Variants in CCDC73 observed in about 807,000 individuals in gnomAD.
The protein encoded by CCDC73 is coiled-coil domain-containing protein 73.
In CCDC73, 95 loss-of-function variants were observed where a neutral mutation model predicts 116.5. The ratio of observed to expected loss-of-function variants is 0.82; its 90% CI spans 0.69 to 0.97. The LOEUF (loss-of-function observed/expected upper bound fraction) is 0.97. CCDC73 is among the 50% of genes least tolerant of loss of function. The pLI is 0.00. For missense variants in CCDC73, 1,066 were observed against 1,206.8 expected (o/e 0.88, Z 1.73); for synonymous variants, 398 against 401.3 (o/e 0.99, Z 0.10).
chr11:32,649,429 T>C (rs1320005078), intron 12 of CCDC73, among the ~76,000 whole-genome samples: 1 of 152,218 alleles, frequency 6.6e-6, no homozygotes, highest in Non-Finnish European at 1.5e-5. Context: ...ATCATGAGAA[T>C]TTAGCTTTCT....
chr11:32,793,622 A>ATT (rs11411333), intron 1 of CCDC73, among the ~76,000 whole-genome samples: 1 of 149,626 alleles, frequency 6.7e-6, no homozygotes, highest in Non-Finnish European at 1.5e-5. Flanking sequence ...ATTTTATTTT[A>ATT]TTTTTTTAGA....
At chr11:32,684,451 A>G (rs1433762034) in intron 6 of CCDC73, among the ~76,000 whole-genome samples, 1 of 152,218 alleles carries the variant, frequency 6.6e-6, no homozygotes, top group Non-Finnish European at 1.5e-5. Context: ...TTAATATATA[A>G]TAAACACTTT....
chr11:32,777,255 C>T (rs1850545924), intron 1 of CCDC73, among the ~76,000 whole-genome samples: 1 of 151,496 alleles, frequency 6.6e-6, no homozygotes, highest in East Asian at 1.9e-4. Flanking sequence ...CAGGCATGTG[C>T]CACCACACCC....
At chr11:32,753,611 C>G (rs1401298864) in intron 2 of CCDC73, among the ~76,000 whole-genome samples, 3 of 152,000 alleles carry the variant, frequency 2.0e-5, no homozygotes, top group Non-Finnish European at 4.4e-5. Flanking sequence ...ATTACAAGCA[C>G]CCATCACCAT....
chr11:32,680,427 A>C (rs185655821), intron 7 of CCDC73: 3 of 152,264 alleles, frequency 2.0e-5, no homozygotes, highest in Admixed American at 2.0e-4. Context: ...CACAGTCTAC[A>C]AAAAATGTCA....
chr11:32,789,404 A>G (rs1404538589), intron 1 of CCDC73, among the ~76,000 whole-genome samples: 1 of 152,232 alleles, frequency 6.6e-6, no homozygotes, highest in Non-Finnish European at 1.5e-5. Flanking sequence ...AAACAAAGAA[A>G]AATGTATTCG....
intron 6 of CCDC73, among the ~76,000 whole-genome samples, chr11:32,688,261 A>G (rs1856223630): frequency 6.6e-6 from 1 of 152,196 alleles, no homozygotes; most frequent in Non-Finnish European, 1.5e-5. Context: ...AGAATATGGC[A>G]TTACCTCTGT....
the CCDC73 span, among the ~76,000 whole-genome samples, chr11:32,822,548 G>A: frequency 1.7e-4 from 26 of 152,164 alleles, no homozygotes; most frequent in Non-Finnish European, 3.1e-4. Flanking sequence ...CATTCAGTAA[G>A]TATTAATTTA....
chr11:32,719,671 C>T (rs1408675544), intron 2 of CCDC73, among the ~76,000 whole-genome samples: 4 of 152,116 alleles, frequency 2.6e-5, no homozygotes, highest in Non-Finnish European at 4.4e-5. Context: ...AGATGTACTA[C>T]ATAAAACTTT....
chr11:32,781,347 A>G (rs1850582027), intron 1 of CCDC73, among the ~76,000 whole-genome samples: 1 of 152,200 alleles, frequency 6.6e-6, no homozygotes, highest in African/African-American at 2.4e-5. Flanking sequence ...AAAAACAATA[A>G]AACTCTGTTT....
chr11:32,677,957 A>C (rs1856104940), intron 7 of CCDC73, among the ~76,000 whole-genome samples: 1 of 31,340 alleles, frequency 3.2e-5, no homozygotes, highest in Non-Finnish European at 9.2e-5. Flanking sequence ...TTCCATCTCA[A>C]AAAAAAAAAA....
intron 1 of CCDC73, among the ~76,000 whole-genome samples, chr11:32,769,990 T>C (rs1475235925): frequency 6.6e-6 from 1 of 152,214 alleles, no homozygotes. Flanking sequence ...ATTTCTGTAT[T>C]AGTTATTGCT....
intron 14 of CCDC73, among the ~76,000 whole-genome samples, chr11:32,625,191 T>C (rs1049669113): frequency 7.2e-5 from 11 of 152,192 alleles, no homozygotes; most frequent in Non-Finnish European, 1.5e-5. Flanking sequence ...GTCAGATGGG[T>C]TTCCTGAATA....
At chr11:32,679,412 G>A (rs1856124151) in intron 7 of CCDC73, among the ~76,000 whole-genome samples, 1 of 151,992 alleles carries the variant, frequency 6.6e-6, no homozygotes, top group Non-Finnish European at 1.5e-5. Context: ...CACCCAGGGT[G>A]GAGTGCTGTG....
intron 6 of CCDC73, among the ~76,000 whole-genome samples, chr11:32,697,148 A>T (rs1856318673): frequency 6.6e-6 from 1 of 151,778 alleles, no homozygotes; most frequent in African/African-American, 2.4e-5. Context: ...GATGTATGTT[A>T]ACATTTTTCC....
intron 17 of CCDC73, among the ~76,000 whole-genome samples, chr11:32,607,381 C>T (rs1052056535): frequency 2.6e-5 from 4 of 152,092 alleles, no homozygotes; most frequent in African/African-American, 7.2e-5. Flanking sequence ...CGTGAGCCAC[C>T]GCGCCCGGCC....
At chr11:32,692,893 T>C (rs1856273640) in intron 6 of CCDC73, among the ~76,000 whole-genome samples, 1 of 152,258 alleles carries the variant, frequency 6.6e-6, no homozygotes, top group Non-Finnish European at 1.5e-5. Context: ...AGTATCTTTA[T>C]TAAGCCCTCT....
At chr11:32,812,744 G>A in the CCDC73 span, among the ~76,000 whole-genome samples, 4 of 152,054 alleles carry the variant, frequency 2.6e-5, no homozygotes, top group Admixed American at 6.5e-5. Context: ...TGGCTGAGGT[G>A]GGAGGATTGC....
chr11:32,614,426 G>C lies in CCDC73; in HGVS notation c.1892C>G (p.Ser631Trp). Reference sequence around the variant, plus strand: ...AGGATTTTTTTTTATATCTAGAGACGAGTCCAAATCTGCTTTGGTTTGGTC... The same window carrying C: ...AGGATTTTTTTTTATATCTAGAGACCAGTCCAAATCTGCTTTGGTTTGGTC... ...NSDQTKADLD[S>W]SLDIKKNPVP... is the part of the protein sequence containing the mutation. The change falls in exon 16 of 18, where the codon TCG (serine) becomes TGG (tryptophan). Residue 631 changes from serine (S) to tryptophan (W), a missense_variant. Physicochemically the swap from Ser to Trp is radical, Grantham distance 177. Transcript: ENST00000335185. 2 of 1,613,274 alleles carry C rather than the reference G, an allele frequency of 1.2e-6. No homozygotes were observed. The highest frequency in any genetic ancestry group is 1.7e-6 in the Non-Finnish European group (2 of 1,179,668).
Sources: gnomAD v4.1 joint callset for allele counts (sites outside exome capture counted in the v4.1 genomes callset) on GRCh38, gnomAD v4.1.1 for gene constraint, MANE v1.5 for transcripts, NCBI Gene and HGNC (gene_info 2026-07-23, HGNC 2026-07-21) for gene names.